TMEM26: variants seen among roughly 807,000 people sequenced by gnomAD.
TMEM26 encodes the protein transmembrane protein 26.
TMEM26 carries 38 observed loss-of-function variants against 28.8 expected under a neutral mutation model. The observed-to-expected ratio is 1.32, with a 90% CI of 1.02 to 1.73. TMEM26 has a LOEUF of 1.73. Among genes scored for constraint, TMEM26 ranks in the 40% most tolerant of loss-of-function variants. The pLI, the probability that TMEM26 is intolerant of heterozygous loss-of-function variation, is 0.00. For synonymous variants in TMEM26, 227 were observed against 182.9 expected (o/e 1.24, Z -1.95); for missense variants, 518 against 447.1 (o/e 1.16, Z -1.43).
rs998994914 is a variant in TMEM26 at position 61,407,389 on chromosome 10, A to G, written c.*2933T>C. 1 of 152,166 alleles carries G rather than the reference A, an allele frequency of 6.6e-6. No individual in the cohort carries two copies. The highest frequency in any genetic ancestry group is 1.5e-5 in the Non-Finnish European group (1 of 68,020). 9.4% of individuals were successfully genotyped at this position (152,166 alleles called of 1,614,324 possible). A position where few individuals can be genotyped will look rare whatever the true frequency, so the allele number is the denominator to read the frequency against. ...ACAGTGCCAAGAGTAAATTTGTATC[A>G]GACTCTTCACTGGAAGATTATAAAG... On this transcript the variant is annotated 3_prime_UTR_variant, in exon 6 of 6. Coordinates refer to ENST00000399298, the MANE Select transcript of TMEM26 (RefSeq NM_178505.8).
rs1839520732 is a variant in TMEM26, at chr10:61,408,299, G to A, written c.*2023C>T. The A allele has an allele frequency of 6.6e-6, 1 of 152,178 alleles. No homozygotes were observed. Among genetic ancestry groups the A allele is most frequent in the African/African-American group, 2.4e-5 (1 of 41,436 alleles). 9.4% of individuals were successfully genotyped at this position (152,178 alleles called of 1,614,324 possible). A position where few individuals can be genotyped will look rare whatever the true frequency, so the allele number is the denominator to read the frequency against. On this transcript the variant is annotated 3_prime_UTR_variant, in exon 6 of 6. Transcript: ENST00000399298. ...TTTTTATTTCTCAAGCCCACGAGGA[G>A]TCTAATTACAAAATACTTTAATTTA...
intron 2 of TMEM26, among the ~76,000 whole-genome samples, chr10:61,435,212 T>G (rs1262199125): frequency 6.6e-6 from 1 of 152,202 alleles, no homozygotes; most frequent in African/African-American, 2.4e-5. Flanking sequence ...GGAGGGAGTT[T>G]CTCTCTGTTG....
intron 1 of TMEM26, among the ~76,000 whole-genome samples, chr10:61,438,345 G>A (rs1336437716): frequency 6.6e-6 from 1 of 152,150 alleles, no homozygotes; most frequent in Non-Finnish European, 1.5e-5. Context: ...GGAAACATCA[G>A]GAGATAATAT....
chr10:61,414,060 A>G, intron 4 of TMEM26: 1 of 986,316 alleles, frequency 1.0e-6, no homozygotes, highest in Non-Finnish European at 1.2e-6. Context: ...TTTATACCAG[A>G]TAGTAGGACA....
intron 1 of TMEM26, among the ~76,000 whole-genome samples, chr10:61,443,691 C>T (rs144568040): frequency 5.9e-4 from 90 of 152,176 alleles, no homozygotes; most frequent in African/African-American, 2.1e-3. Context: ...TTATAATTTT[C>T]ATTGTTTGTT....
At chr10:61,450,882 A>G (rs1840267061) in intron 1 of TMEM26, among the ~76,000 whole-genome samples, 1 of 152,200 alleles carries the variant, frequency 6.6e-6, no homozygotes, top group African/African-American at 2.4e-5. Flanking sequence ...AATATTTTTA[A>G]TAAGAAGAAA....
rs1487037776 is a variant in TMEM26, at chr10:61,452,944, G to A, written c.138C>T (p.Leu46=). The A allele has an allele frequency of 1.9e-6, 3 of 1,613,972 alleles. No individual in the cohort carries two copies. The highest frequency in any genetic ancestry group is 1.7e-6 in the Non-Finnish European group (2 of 1,180,028). Residue 46 remains leucine, a synonymous_variant, in exon 1 of 6, where the codon CTC becomes CTT. Coordinates refer to ENST00000399298, the MANE Select transcript of TMEM26 (RefSeq NM_178505.8). ...YWLLALLNLL[L]FLETALTLKF... ...TGAGGGTGAGCGCAGTCTCCAGGAA[G>A]AGCAAGAGGTTGAGCAGCGCAAGCA...
chr10:61,412,336 G>A (rs570045005), intron 5 of TMEM26, among the ~76,000 whole-genome samples: 1 of 152,172 alleles, frequency 6.6e-6, no homozygotes, highest in South Asian at 2.1e-4. Context: ...GCCACAGCAA[G>A]TTTTTCCATC....
chr10:61,435,435 T>C (rs1839988156), intron 2 of TMEM26, among the ~76,000 whole-genome samples: 1 of 152,158 alleles, frequency 6.6e-6, no homozygotes, highest in Non-Finnish European at 1.5e-5. Context: ...CGCTTCGGCC[T>C]CCCAAAGTGC....
At position 61,429,018 on chromosome 10, in the gene TMEM26, T is replaced by A. The variant is rs1340395739; in HGVS notation, c.513A>T (p.Arg171=). The change falls in exon 4 of 6, where the codon CGA becomes CGT. Residue 171 remains arginine, a synonymous_variant. Coordinates refer to ENST00000399298, the MANE Select transcript of TMEM26 (RefSeq NM_178505.8). ...TAAGAAGAAGTTGAGAGAGTTGATCTCGAGTGATCCCGCCTCCAATGGGTA... is the reference window on the plus strand; with the variant it reads ...TAAGAAGAAGTTGAGAGAGTTGATCACGAGTGATCCCGCCTCCAATGGGTA... ...WLLPIGGGIT[R]DQLSQLLLMF... is the part of the protein sequence containing the mutation. 6.2e-7 allele frequency: 1 copy of A among 1,613,340 alleles called. No individual in the cohort carries two copies. The highest frequency in any genetic ancestry group is 1.7e-5 in the Admixed American group (1 of 59,914).
chr10:61,449,458 T>C (rs1320057466), intron 1 of TMEM26, among the ~76,000 whole-genome samples: 1 of 152,222 alleles, frequency 6.6e-6, no homozygotes, highest in Non-Finnish European at 1.5e-5. Flanking sequence ...TTCCAAAGGA[T>C]AGCTAAAGAA....
At chr10:61,412,462 C>T (rs1484865658) in intron 5 of TMEM26, among the ~76,000 whole-genome samples, 1 of 152,066 alleles carries the variant, frequency 6.6e-6, no homozygotes, top group Admixed American at 6.6e-5. Flanking sequence ...TATCTCTGTC[C>T]TAAGGATTAA....
At chr10:61,420,993 A>G (rs55637427) in intron 4 of TMEM26, among the ~76,000 whole-genome samples, 22,206 of 152,048 alleles carry the variant, frequency 0.15, 1,760 homozygotes, top group East Asian at 0.22. Context: ...TATAACATAC[A>G]AAGATATAAT....
At position 61,407,958 on chromosome 10, in the gene TMEM26, T is replaced by C. The variant is rs1446255949; in HGVS notation, c.*2364A>G. 9.9e-5 allele frequency: 15 copies of C among 152,236 alleles called. No homozygotes were observed. Among genetic ancestry groups the C allele is most frequent in the Admixed American group, 9.8e-4 (15 of 15,282 alleles). 9.4% of individuals were successfully genotyped at this position (152,236 alleles called of 1,614,324 possible). On this transcript the variant is annotated 3_prime_UTR_variant, in exon 6 of 6. Transcript: ENST00000399298. ...GGATGTTTTGAAACATTACAGTATTTAGCAGTCTACGCTATGAACTGAACA... is the reference window on the plus strand; with the variant it reads ...GGATGTTTTGAAACATTACAGTATTCAGCAGTCTACGCTATGAACTGAACA...
chr10:61,447,115 G>A (rs1217983772), intron 1 of TMEM26, among the ~76,000 whole-genome samples: 2 of 152,184 alleles, frequency 1.3e-5, no homozygotes, highest in African/African-American at 2.4e-5. Context: ...TCTTCTGGGA[G>A]AATTTCCAGT....
chr10:61,413,092 T>C (rs1839594782), intron 5 of TMEM26: 1 of 592,098 alleles, frequency 1.7e-6, no homozygotes, highest in Non-Finnish European at 2.5e-6. Flanking sequence ...TACTGAGTCA[T>C]GACAAGAATC....
At chr10:61,451,935 G>T (rs943706332) in intron 1 of TMEM26, among the ~76,000 whole-genome samples, 1 of 151,578 alleles carries the variant, frequency 6.6e-6, no homozygotes, top group African/African-American at 2.4e-5. Context: ...ATTGTAAATT[G>T]CCTAATACCA....
Position 61,410,396 on chromosome 10 carries a change from C to G in TMEM26, c.1033G>C (p.Glu345Gln). 1 of 1,614,052 alleles carries G rather than the reference C, an allele frequency of 6.2e-7. No homozygotes were observed. The highest frequency in any genetic ancestry group is 8.5e-7 in the Non-Finnish European group (1 of 1,180,024). ...SGPSQRDWQN[E>Q]SKEGLAIPLR... ...GGAATAGCCAGGCCCTCCTTAGACT[C>G]GTTCTGCCAGTCCCGCTGAGAGGGC... The change falls in exon 6 of 6, where the codon GAG becomes CAG. Residue 345 changes from glutamate (E) to glutamine (Q), a missense_variant. Transcript: ENST00000399298.
intron 3 of TMEM26, among the ~76,000 whole-genome samples, chr10:61,429,699 T>C (rs1013276180): frequency 5.3e-5 from 8 of 152,072 alleles, no homozygotes; most frequent in Admixed American, 5.3e-4. Context: ...ACTGTAAAAT[T>C]ATTATTTTTA....
Sources: gnomAD v4.1 joint callset for allele counts (sites outside exome capture counted in the v4.1 genomes callset) on GRCh38, gnomAD v4.1.1 for gene constraint, MANE v1.5 for transcripts, NCBI Gene and HGNC (gene_info 2026-07-23, HGNC 2026-07-21) for gene names.